CRX: variants seen among roughly 807,000 people sequenced by gnomAD.
The protein encoded by CRX is cone-rod homeobox protein.
Under a neutral mutation model 13.1 loss-of-function variants are expected in CRX, and 5 were observed. The observed-to-expected ratio is 0.38, with a 90% CI of 0.20 to 0.80. The LOEUF is 0.80. Among genes scored for constraint, CRX ranks in the 30% least tolerant of loss-of-function variants. The pLI, the probability that CRX is intolerant of heterozygous loss-of-function variation, is 0.43. For synonymous variants in CRX, 179 were observed against 171.1 expected (o/e 1.05, Z -0.36); for missense variants, 351 against 391.8 (o/e 0.90, Z 0.88).
intron 3 of CRX, among the ~76,000 whole-genome samples, chr19:47,838,942 T>C (rs959981417): frequency 6.6e-6 from 1 of 151,972 alleles, no homozygotes; most frequent in African/African-American, 2.4e-5. Context: ...TATGTATAAC[T>C]GTACGTGTGC....
chr19:47,840,102 G>A lies in CRX; in HGVS notation c.*135G>A, dbSNP rs1446379495. 15 of 1,044,072 alleles carry A rather than the reference G, an allele frequency of 1.4e-5. No individual in the cohort carries two copies. Among genetic ancestry groups the A allele is most frequent in the Non-Finnish European group, 5.7e-6 (4 of 704,100 alleles). The allele number at this position is 1,044,072 out of a possible 1,614,324, so 64.7% of individuals were successfully genotyped here. ...CCAGCTGTCCTTCTGACAGCTCGGT[G>A]TTCAGCTTACAGAGACCACCCCTTT... On this transcript the variant is annotated 3_prime_UTR_variant, in exon 4 of 4. Transcript: ENST00000221996.
intron 1 of CRX, among the ~76,000 whole-genome samples, chr19:47,828,974 A>T (rs1953330835): frequency 1.3e-5 from 2 of 151,774 alleles, no homozygotes; most frequent in Admixed American, 1.3e-4. Flanking sequence ...TAGAGACAAG[A>T]TATGGCTTTA....
chr19:47,841,518 A>C lies in CRX; in HGVS notation c.*1551A>C, dbSNP rs1968196556. 1.3e-5 allele frequency: 2 copies of C among 152,112 alleles called. No individual in the cohort carries two copies. Among genetic ancestry groups the C allele is most frequent in the South Asian group, 4.1e-4 (2 of 4,820 alleles). 9.4% of individuals were successfully genotyped at this position (152,112 alleles called of 1,614,324 possible). A position where few individuals can be genotyped will look rare whatever the true frequency, so the allele number is the denominator to read the frequency against. On this transcript the variant is annotated 3_prime_UTR_variant, in exon 4 of 4. Coordinates refer to ENST00000221996, the MANE Select transcript of CRX (RefSeq NM_000554.6). Reference sequence around the variant, plus strand: ...TAAACAAGAGATAGGAAGAGGGGGAAATAGATTTGGAGGAGGCAGCCCTAC... The same window carrying C: ...TAAACAAGAGATAGGAAGAGGGGGACATAGATTTGGAGGAGGCAGCCCTAC...
intron 1 of CRX, among the ~76,000 whole-genome samples, chr19:47,824,751 A>G (rs2340995): frequency 0.92 from 140,082 of 152,146 alleles, 64,610 homozygotes; most frequent in African/African-American, 0.98. Context: ...GGACCCAGTG[A>G]GTGCCGAACC....
rs1467964146 is a variant in CRX at position 47,839,464 on chromosome 19, C to T, written c.397C>T (p.Pro133Ser). The change falls in exon 4 of 4, where the codon CCA (proline) becomes TCA (serine). Residue 133 changes from proline to serine, a missense_variant. This residue lies in a region of CRX where 253 missense variants were observed against 268.3 expected (regional missense o/e 0.94). Transcript: ENST00000221996. The surrounding 1 kb of genome is among the most constrained non-coding windows in gnomAD (Gnocchi z 4.6). ...CCCAAGACCCTCCACAGATGTGTGTCCAGACCCTCTGGGCATCTCAGATTC... is the reference window on the plus strand; with the variant it reads ...CCCAAGACCCTCCACAGATGTGTGTTCAGACCCTCTGGGCATCTCAGATTC... Reference protein sequence around the residue: ...TSPRPSTDVCPDPLGISDSYS... With the variant: ...TSPRPSTDVCSDPLGISDSYS... 1 of 1,614,032 alleles carries T rather than the reference C, an allele frequency of 6.2e-7. No individual in the cohort carries two copies. Among genetic ancestry groups the T allele is most frequent in the Middle Eastern group, 1.6e-4 (1 of 6,062 alleles).
chr19:47,827,497 C>T (rs1164020637), intron 1 of CRX, among the ~76,000 whole-genome samples: 1 of 144,964 alleles, frequency 6.9e-6, no homozygotes, highest in Admixed American at 7.0e-5. Context: ...TCATAACAAC[C>T]TGTTTTATTT....
chr19:47,827,936 A>G (rs1026665240), intron 1 of CRX, among the ~76,000 whole-genome samples: 15 of 140,746 alleles, frequency 1.1e-4, no homozygotes, highest in Admixed American at 2.2e-4. Context: ...GGTGGATCAC[A>G]TGAGGTCAGG....
intron 1 of CRX, among the ~76,000 whole-genome samples, chr19:47,833,561 C>A (rs141638825): frequency 1.3e-5 from 2 of 150,894 alleles, no homozygotes; most frequent in South Asian, 2.1e-4. Flanking sequence ...GGATTACAGG[C>A]GTGAGCCACC....
intron 1 of CRX, among the ~76,000 whole-genome samples, chr19:47,822,312 G>A (rs1186033500): frequency 6.6e-6 from 1 of 152,174 alleles, no homozygotes. Flanking sequence ...ATCCGGGGTT[G>A]GGGGCTTCTC....
At chr19:47,824,019 C>T (rs1967944837) in intron 1 of CRX, among the ~76,000 whole-genome samples, 2 of 152,078 alleles carry the variant, frequency 1.3e-5, no homozygotes, top group Admixed American at 6.5e-5. Flanking sequence ...CTCTCTGGGC[C>T]TTGGTTGCCT....
intron 1 of CRX, among the ~76,000 whole-genome samples, chr19:47,830,807 A>AAC (rs71180890): frequency 1.3e-5 from 2 of 150,018 alleles, no homozygotes; most frequent in Non-Finnish European, 3.0e-5. Context: ...AAAAAAAAAA[A>AAC]GGAGAATTTG....
At chr19:47,834,226 G>T (rs965226364) in intron 1 of CRX, among the ~76,000 whole-genome samples, 183 bp from the exon 2 acceptor site, 11 of 152,166 alleles carry the variant, frequency 7.2e-5, no homozygotes, top group African/African-American at 2.7e-4. Context: ...TCTCAAGAAA[G>T]CTCTGAGAAC....
At chr19:47,832,111 T>G (rs868260232) in intron 1 of CRX, among the ~76,000 whole-genome samples, 1 of 132,554 alleles carries the variant, frequency 7.5e-6, no homozygotes, top group Admixed American at 7.4e-5. Context: ...TTATGTTTTT[T>G]TTTTTTTTTT....
intron 1 of CRX, among the ~76,000 whole-genome samples, chr19:47,833,762 T>C (rs1968083168): frequency 1.2e-5 from 1 of 85,748 alleles, no homozygotes; most frequent in Admixed American, 9.9e-5. Flanking sequence ...AGGCTGAGCG[T>C]GTTTGCCCAT....
chr19:47,839,250 C>G lies in CRX; in HGVS notation c.253-70C>G. 6.5e-7 allele frequency: 1 copy of G among 1,532,642 alleles called. No individual in the cohort carries two copies. The highest frequency in any genetic ancestry group is 1.2e-5 in the South Asian group (1 of 81,952). 94.9% of individuals were successfully genotyped at this position (1,532,642 alleles called of 1,614,324 possible). ...CTCTCACCAATAAGTGTCCTCATCC[C>G]CGGGCACCCTGCGGCTCTCCTGGGC... On this transcript the variant is annotated intron_variant, in intron 3 of 3. Coordinates refer to ENST00000221996, the MANE Select transcript of CRX (RefSeq NM_000554.6). The surrounding 1 kb of genome is among the most constrained non-coding windows in gnomAD (Gnocchi z 4.6).
At chr19:47,824,184 G>T (rs940550681) in intron 1 of CRX, among the ~76,000 whole-genome samples, 24 of 152,286 alleles carry the variant, frequency 1.6e-4, no homozygotes, top group East Asian at 9.7e-4. Flanking sequence ...GCGGGGCTCG[G>T]GGGCCAAAGA....
rs1426879236 is a variant in CRX, at chr19:47,841,172, A to T, written c.*1205A>T. The T allele has an allele frequency of 6.6e-6, 1 of 152,260 alleles. No homozygotes were observed. The highest frequency in any genetic ancestry group is 2.4e-5 in the African/African-American group (1 of 41,480). 9.4% of individuals were successfully genotyped at this position (152,260 alleles called of 1,614,324 possible). On this transcript the variant is annotated 3_prime_UTR_variant, in exon 4 of 4. Transcript: ENST00000221996. ...CACAGACTTCACAAATGTCAGGCTT[A>T]CATGGTAGGTTTAGGGGACCGTTTG...
At chr19:47,833,632 T>C (rs960839636) in intron 1 of CRX, among the ~76,000 whole-genome samples, 2 of 152,030 alleles carry the variant, frequency 1.3e-5, no homozygotes, top group African/African-American at 4.8e-5. Context: ...ACCAATCCAG[T>C]TTGCCTGGGA....
intron 3 of CRX, among the ~76,000 whole-genome samples, chr19:47,836,893 C>CGGAT (rs35676406): frequency 0.16 from 23,779 of 151,892 alleles, 2,361 homozygotes; most frequent in Non-Finnish European, 0.22. Flanking sequence ...ACTGAATAGA[C>CGGAT]GGATGGATGG....
Sources: gnomAD v4.1 joint callset for allele counts (sites outside exome capture counted in the v4.1 genomes callset) on GRCh38, gnomAD v4.1.1 for gene constraint, gnomAD v4.1.1 regional missense constraint, Gnocchi (gnomAD v3.1) non-coding constraint, MANE v1.5 for transcripts, NCBI Gene and HGNC (gene_info 2026-07-23, HGNC 2026-07-21) for gene names.